The following KCNAB1 variants were observed in gnomAD, a reference collection of about 807,000 sequenced individuals.
KCNAB1 encodes potassium voltage-gated channel subfamily A regulatory beta subunit 1.
Under a neutral mutation model 64.6 loss-of-function variants are expected in KCNAB1, and 35 were observed. The observed-to-expected ratio is 0.54, with a 90% confidence interval of 0.41 to 0.72. The LOEUF (loss-of-function observed/expected upper bound fraction) is 0.72. Among genes scored for constraint, KCNAB1 ranks in the 30% least tolerant of loss-of-function variants. KCNAB1 has a pLI of 0.00. For missense variants in KCNAB1, 401 were observed against 512.9 expected (o/e 0.78, Z 2.11); for synonymous variants, 177 against 183.8 (o/e 0.96, Z 0.30).
At chr3:156,294,707 C>T (rs531619393) in intron 1 of KCNAB1, among the ~76,000 whole-genome samples, 14 of 152,052 alleles carry the variant, frequency 9.2e-5, no homozygotes, top group Admixed American at 7.2e-4. Flanking sequence ...TAACTAAAAT[C>T]GAAAGTTAGT....
At chr3:156,219,699 TTATTATTATTA>T (rs1560142781) in intron 1 of KCNAB1, among the ~76,000 whole-genome samples, 15 of 17,312 alleles carry the variant, frequency 8.7e-4, no homozygotes, top group African/African-American at 3.1e-3. Flanking sequence ...AATCTTTTTA[TTATTATTATTA>T]TTATTATTAT....
intron 7 of KCNAB1, among the ~76,000 whole-genome samples, chr3:156,470,671 A>G (rs1278887822): frequency 6.6e-6 from 1 of 152,266 alleles, no homozygotes; most frequent in Non-Finnish European, 1.5e-5. Context: ...TTTGTTACAC[A>G]ATTCAAAACA....
At chr3:156,122,542 A>G (rs1713410087) in intron 1 of KCNAB1, among the ~76,000 whole-genome samples, 1 of 152,190 alleles carries the variant, frequency 6.6e-6, no homozygotes, top group African/African-American at 2.4e-5. Flanking sequence ...CTTCACTTAA[A>G]CAATAATATT....
At position 156,395,469 on chromosome 3, in the gene KCNAB1, A is replaced by C. The variant is rs376998747; in HGVS notation, c.276-26147A>C. ...CTGAGGCAGGAGAATGGCGTGAACC[A>C]GGGAGGCGGAGCTTGCAGTGAGCCG... On this transcript the variant is annotated intron_variant, in intron 1 of 13. Transcript: ENST00000490337. 2.2e-3 allele frequency among the ~76,000 whole-genome samples: 298 copies of C among 138,528 alleles called. 2 individuals carry two copies. The highest frequency in any genetic ancestry group is 0.021 in the South Asian group (85 of 4,014). 90.9% of individuals were successfully genotyped at this position (138,528 alleles called of 152,430 possible). A position where few individuals can be genotyped will look rare whatever the true frequency, so the allele number is the denominator to read the frequency against.
chr3:156,339,836 C>T (rs1320911084), intron 1 of KCNAB1, among the ~76,000 whole-genome samples: 5 of 152,286 alleles, frequency 3.3e-5, no homozygotes, highest in Middle Eastern at 3.4e-3. Context: ...CGTGTTTTGT[C>T]CTCCCTCTGT....
chr3:156,486,559 T>A (rs1715229801), intron 8 of KCNAB1, among the ~76,000 whole-genome samples: 1 of 151,794 alleles, frequency 6.6e-6, no homozygotes, highest in Non-Finnish European at 1.5e-5. Flanking sequence ...GCCTGGAAAA[T>A]CCAGGGGTAA....
At chr3:156,139,194 G>A (rs995195375) in intron 1 of KCNAB1, among the ~76,000 whole-genome samples, 2 of 152,150 alleles carry the variant, frequency 1.3e-5, no homozygotes, top group African/African-American at 4.8e-5. Context: ...ATTAAATATA[G>A]TTTCTATCCT....
chr3:156,378,842 C>A (rs1263569046), intron 1 of KCNAB1, among the ~76,000 whole-genome samples: 1 of 152,126 alleles, frequency 6.6e-6, no homozygotes, highest in African/African-American at 2.4e-5. Context: ...AAGCTGGACT[C>A]AACAGAAGCC....
At chr3:156,507,326 CA>C (rs1476993419) in intron 8 of KCNAB1, among the ~76,000 whole-genome samples, 1 of 152,070 alleles carries the variant, frequency 6.6e-6, no homozygotes, top group Non-Finnish European at 1.5e-5. Flanking sequence ...CAAGAGATGT[CA>C]AAGGTTAGTG....
chr3:156,182,537 A>G (rs1371130120), intron 1 of KCNAB1, among the ~76,000 whole-genome samples: 1 of 151,260 alleles, frequency 6.6e-6, no homozygotes, highest in Non-Finnish European at 1.5e-5. Flanking sequence ...CTTCTTCTTC[A>G]CCCTTATTTT....
At chr3:156,390,688 T>G (rs1353475072) in intron 1 of KCNAB1, among the ~76,000 whole-genome samples, 1 of 152,102 alleles carries the variant, frequency 6.6e-6, no homozygotes, top group East Asian at 1.9e-4. Flanking sequence ...GTTCACGCCA[T>G]TCTCCTGCCT....
intron 1 of KCNAB1, among the ~76,000 whole-genome samples, chr3:156,130,886 AG>A (rs1713955984): frequency 6.6e-6 from 1 of 152,240 alleles, no homozygotes; most frequent in Non-Finnish European, 1.5e-5. Context: ...GTTGTGTCAT[AG>A]GATGAACTAT....
intron 1 of KCNAB1, among the ~76,000 whole-genome samples, chr3:156,375,419 C>A (rs187728485): frequency 1.5e-5 from 2 of 135,094 alleles, no homozygotes; most frequent in East Asian, 3.9e-4. Flanking sequence ...TAACGACATT[C>A]CTGATGTTGC....
rs976797954 is a variant in KCNAB1, at chr3:156,538,274, C to CAGA, written c.*1532_*1534dup. The CAGA allele has an allele frequency of 2.8e-5, 4 of 143,688 alleles. No individual in the cohort carries two copies. Among genetic ancestry groups the CAGA allele is most frequent in the African/African-American group, 1.1e-4 (4 of 38,040 alleles). The allele number at this position is 143,688 out of a possible 1,614,324, so 8.9% of individuals were successfully genotyped here. ...CACACAGAAATCACTCTGAGGTTTA[C>CAGA]AGAAGAACTGTAATATTATTTTAAA... On this transcript the variant is annotated 3_prime_UTR_variant, in exon 14 of 14. Transcript: ENST00000490337.
chr3:156,248,935 G>A (rs1717635348), intron 1 of KCNAB1, among the ~76,000 whole-genome samples: 1 of 151,990 alleles, frequency 6.6e-6, no homozygotes. Context: ...GCCTATGTTT[G>A]GTCCACTTGG....
At chr3:156,387,375 A>G (rs1712699581) in intron 1 of KCNAB1, among the ~76,000 whole-genome samples, 1 of 152,192 alleles carries the variant, frequency 6.6e-6, no homozygotes, top group African/African-American at 2.4e-5. Flanking sequence ...AATAGAGATC[A>G]AGAGCAAACA....
At chr3:156,188,747 A>G (rs1002172190) in intron 1 of KCNAB1, among the ~76,000 whole-genome samples, 2 of 152,222 alleles carry the variant, frequency 1.3e-5, no homozygotes, top group African/African-American at 4.8e-5. Flanking sequence ...ACGAACTTTA[A>G]TGGTGTCTCA....
chr3:156,523,972 G>T (rs1212232789), intron 12 of KCNAB1, 25 bp downstream of exon 12: 2 of 1,607,520 alleles, frequency 1.2e-6, no homozygotes, highest in Non-Finnish European at 1.7e-6. Flanking sequence ...AAGCTATGGG[G>T]TGGTAGAGGG....
At chr3:156,475,650 G>A (rs1714285293) in intron 8 of KCNAB1, among the ~76,000 whole-genome samples, 1 of 152,142 alleles carries the variant, frequency 6.6e-6, no homozygotes, top group Non-Finnish European at 1.5e-5. Flanking sequence ...AAAATAATTA[G>A]AATAGTTTGA....
Sources: gnomAD v4.1 joint callset for allele counts (sites outside exome capture counted in the v4.1 genomes callset) on GRCh38, gnomAD v4.1.1 for gene constraint, MANE v1.5 for transcripts, NCBI Gene and HGNC (gene_info 2026-07-23, HGNC 2026-07-21) for gene names.